ADPGK: variants seen among roughly 807,000 people sequenced by gnomAD.
The protein encoded by ADPGK is ADP-dependent glucokinase.
Under a neutral mutation model 42.4 loss-of-function variants are expected in ADPGK, and 26 were observed. The observed-to-expected ratio is 0.61, with a 90% CI of 0.45 to 0.85. The LOEUF is 0.85. Among genes scored for constraint, ADPGK ranks in the 40% least tolerant of loss-of-function variants. The pLI is 0.00. For synonymous variants in ADPGK, 267 were observed against 252.6 expected (o/e 1.06, Z -0.54); for missense variants, 571 against 627.0 (o/e 0.91, Z 0.95).
chr15:72,781,805 C>T (rs953596059), intron 1 of ADPGK, among the ~76,000 whole-genome samples: 2 of 152,170 alleles, frequency 1.3e-5, no homozygotes, highest in African/African-American at 4.8e-5. Flanking sequence ...AACCCTAATT[C>T]CCAATGTGAC....
chr15:72,782,847 A>G (rs916782995), intron 1 of ADPGK: 1 of 152,240 alleles, frequency 6.6e-6, no homozygotes, highest in Non-Finnish European at 1.5e-5. Flanking sequence ...AAGTACAAAG[A>G]AAGGAGGTAG....
At chr15:72,764,751 G>A (rs570644597) in intron 3 of ADPGK, among the ~76,000 whole-genome samples, 9 of 152,302 alleles carry the variant, frequency 5.9e-5, no homozygotes, top group South Asian at 4.1e-4. Flanking sequence ...CAGAGCTAGA[G>A]AGTAGAAGTC....
intron 2 of ADPGK, among the ~76,000 whole-genome samples, chr15:72,774,419 A>G (rs1381462486): frequency 6.6e-6 from 1 of 152,210 alleles, no homozygotes; most frequent in Admixed American, 6.5e-5. Flanking sequence ...CTCCAGCCCC[A>G]GCACTGCCTC....
At chr15:72,765,115 A>G (rs2066242114) in intron 3 of ADPGK, among the ~76,000 whole-genome samples, 2 of 152,308 alleles carry the variant, frequency 1.3e-5, no homozygotes, top group South Asian at 4.1e-4. Flanking sequence ...TGCTAATGCA[A>G]CATCCATTCT....
chr15:72,766,384 T>C (rs897436215), intron 3 of ADPGK, among the ~76,000 whole-genome samples: 17 of 152,158 alleles, frequency 1.1e-4, no homozygotes, highest in African/African-American at 3.1e-4. Flanking sequence ...GCAAACTTCA[T>C]TGTTGTTTTA....
At chr15:72,757,748 C>T (rs745763013) in intron 4 of ADPGK, 23 of 207,478 alleles carry the variant, frequency 1.1e-4, no homozygotes, top group African/African-American at 3.5e-4. Context: ...AGACTCTGTA[C>T]GATGGGAAAA....
At chr15:72,777,305 A>G (rs1226176155) in intron 1 of ADPGK, among the ~76,000 whole-genome samples, 3 of 152,174 alleles carry the variant, frequency 2.0e-5, no homozygotes, top group Non-Finnish European at 2.9e-5. Context: ...AGCCCAGTCT[A>G]AAAAAATTGT....
intron 1 of ADPGK, among the ~76,000 whole-genome samples, chr15:72,781,239 CCCA>C (rs1255024846): frequency 6.6e-6 from 1 of 152,198 alleles, no homozygotes. Context: ...CCTTCACATT[CCCA>C]CCAATTCTCA....
intron 3 of ADPGK, among the ~76,000 whole-genome samples, chr15:72,768,675 A>T (rs1469949070): frequency 6.6e-6 from 1 of 151,996 alleles, no homozygotes; most frequent in Non-Finnish European, 1.5e-5. Flanking sequence ...TAAGAAAAAA[A>T]AAAAATTGAA....
At chr15:72,775,480 G>A (rs1025202047) in intron 1 of ADPGK, among the ~76,000 whole-genome samples, 1 of 152,110 alleles carries the variant, frequency 6.6e-6, no homozygotes, top group Non-Finnish European at 1.5e-5. Context: ...TCTGTGCCTC[G>A]GTTTCCTCAT....
At chr15:72,762,069 A>C (rs1418632475) in intron 3 of ADPGK, among the ~76,000 whole-genome samples, 1 of 152,034 alleles carries the variant, frequency 6.6e-6, no homozygotes, top group Non-Finnish European at 1.5e-5. Flanking sequence ...ACGGGGTTTC[A>C]CCATGTTGGT....
At chr15:72,778,941 G>A (rs12594938) in intron 1 of ADPGK, among the ~76,000 whole-genome samples, 23,492 of 152,018 alleles carry the variant, frequency 0.15, 2,462 homozygotes, top group East Asian at 0.51. Context: ...TGCAAAATGC[G>A]GTAAGATCGC....
rs1459555951 is a variant in ADPGK, at chr15:72,771,877, T to C, written c.460-32A>G. 8 of 1,535,526 alleles carry C rather than the reference T, an allele frequency of 5.2e-6. No individual in the cohort carries two copies. The Middle Eastern group carries it at 5.3e-4, about 102-fold the overall frequency. On this transcript the variant is annotated intron_variant, in intron 2 of 6. Transcript: ENST00000456471. Reference sequence around the variant, plus strand: ...GAGAGTTCAAGGCTTTTAGACAGTATTTTAATACAACTATATCACCCAAGT... The same window carrying C: ...GAGAGTTCAAGGCTTTTAGACAGTACTTTAATACAACTATATCACCCAAGT...
Position 72,751,748 on chromosome 15 carries a change from C to A in ADPGK, c.*593G>T, listed in dbSNP as rs758773942. 2.8e-4 allele frequency: 43 copies of A among 153,228 alleles called. No homozygotes were observed. Among genetic ancestry groups the A allele is most frequent in the Non-Finnish European group, 5.8e-4 (40 of 68,672 alleles). 9.5% of individuals were successfully genotyped at this position (153,228 alleles called of 1,614,324 possible). ...CGCCACCCAGGCTTCCAGACAACTGCAGAATGAAAGAGTCCCTCAGAGGCT... is the reference window on the plus strand; with the variant it reads ...CGCCACCCAGGCTTCCAGACAACTGAAGAATGAAAGAGTCCCTCAGAGGCT... On this transcript the variant is annotated 3_prime_UTR_variant, in exon 7 of 7. Transcript: ENST00000456471.
In ADPGK at chr15:72,752,871, G is replaced by A; in HGVS notation, c.964C>T (p.Leu322Phe). 1.2e-6 allele frequency: 2 copies of A among 1,613,478 alleles called. No homozygotes were observed. Among genetic ancestry groups the A allele is most frequent in the South Asian group, 1.1e-5 (1 of 91,066 alleles). The change falls in exon 7 of 7, where the codon CTT (leucine) becomes TTT (phenylalanine). Residue 322 changes from leucine to phenylalanine, a missense_variant. Leu to Phe is a conservative substitution (Grantham distance 22). Coordinates refer to ENST00000456471, the MANE Select transcript of ADPGK (RefSeq NM_001365225.1). ...AACAGCTCCTGTTCATTCAGCCCAA[G>A]GGAAGTCACCGCGGGAAAGACCTGC... ...HQQVFPAVTS[L>F]GLNEQELLFL...
rs528551938 is a variant in ADPGK, at chr15:72,768,827, CT to C, written c.522+2955del. ...TCTACAAAAAATACAAAATAATTAG[CT>C]GGCTGTGGTGACGTGTCTGCAATCC... On this transcript the variant is annotated intron_variant, in intron 3 of 6. Coordinates refer to ENST00000456471, the MANE Select transcript of ADPGK (RefSeq NM_001365225.1). 3.7e-3 allele frequency among the ~76,000 whole-genome samples: 566 copies of C among 152,010 alleles called. 1 individual carries two copies. The highest frequency in any genetic ancestry group is 0.013 in the African/African-American group (548 of 41,462).
intron 4 of ADPGK, 166 bp from the exon 5 acceptor site, chr15:72,756,613 GAAAC>G: frequency 1.4e-6 from 1 of 693,828 alleles, no homozygotes; most frequent in Admixed American, 2.9e-5. Flanking sequence ...GGCACTGCAA[GAAAC>G]AAACCAAAAA....
chr15:72,756,384 G>A lies in ADPGK; in HGVS notation c.707C>T (p.Ser236Phe). 1 of 1,614,176 alleles carries A rather than the reference G, an allele frequency of 6.2e-7. No individual in the cohort carries two copies. Among genetic ancestry groups the A allele is most frequent in the South Asian group, 1.1e-5 (1 of 91,080 alleles). ...CTCCAGCATATTCATGGCCCCGTTG[G>A]AGAGGTCGTGAGAGAAGATGAATCG... Reference protein sequence around the residue: ...ANRFIFSHDLSNGAMNMLEVF... With the variant: ...ANRFIFSHDLFNGAMNMLEVF... The change falls in exon 5 of 7, where the codon TCC (serine) becomes TTC (phenylalanine). Residue 236 changes from serine to phenylalanine, a missense_variant. Ser to Phe is a radical substitution (Grantham distance 155, BLOSUM62 -2). This residue lies in a region of ADPGK where 434 missense variants were observed against 522.7 expected (regional missense o/e 0.83). Transcript: ENST00000456471.
chr15:72,780,075 C>T (rs570530576), intron 1 of ADPGK, among the ~76,000 whole-genome samples: 2 of 151,620 alleles, frequency 1.3e-5, no homozygotes, highest in Admixed American at 1.3e-4. Context: ...TGAGAAGACT[C>T]GGTGACAATA....
Sources: gnomAD v4.1 joint callset for allele counts (sites outside exome capture counted in the v4.1 genomes callset) on GRCh38, gnomAD v4.1.1 for gene constraint, gnomAD v4.1.1 regional missense constraint, MANE v1.5 for transcripts, NCBI Gene and HGNC (gene_info 2026-07-23, HGNC 2026-07-21) for gene names.